Variants in PTPRN2 observed in about 807,000 individuals in gnomAD.
PTPRN2 encodes the protein receptor-type tyrosine-protein phosphatase N2.
PTPRN2 carries 74 observed loss-of-function variants against 118.8 expected under a neutral mutation model. The ratio of observed to expected loss-of-function variants is 0.62; its 90% confidence interval spans 0.52 to 0.76. The LOEUF is 0.76. Ranked by LOEUF, PTPRN2 falls within the 30% of genes least tolerant of loss-of-function variation. The pLI is 0.00. For missense variants in PTPRN2, 1,481 were observed against 1,394.4 expected, an observed-to-expected ratio of 1.06 and a Z score of -0.99; for synonymous variants, 641 against 608.0, an observed-to-expected ratio of 1.05 and a Z score of -0.80.
intron 1 of PTPRN2, among the ~76,000 whole-genome samples, chr7:158,538,065 C>T (rs73510530): frequency 0.014 from 2,126 of 152,328 alleles, 52 homozygotes; most frequent in African/African-American, 0.043. Context: ...TTTCCAAGCA[C>T]GGAAGGAGTA....
intron 3 of PTPRN2, among the ~76,000 whole-genome samples, chr7:158,304,336 T>A (rs1387620468): frequency 7.7e-6 from 1 of 129,782 alleles, no homozygotes; most frequent in South Asian, 2.6e-4. Context: ...CCCGTCAATA[T>A]GCTAAGATGT....
chr7:158,490,025 C>T (rs911932631), intron 1 of PTPRN2, among the ~76,000 whole-genome samples: 1 of 152,222 alleles, frequency 6.6e-6, no homozygotes, highest in African/African-American at 2.4e-5. Flanking sequence ...GGACCAGGCC[C>T]ACAGCTCTGG....
chr7:158,054,044 C>CAGAGATGCAGAGATCCT (rs1809584829), intron 11 of PTPRN2, among the ~76,000 whole-genome samples: 1 of 146,170 alleles, frequency 6.8e-6, no homozygotes. Context: ...GCAGAGACCC[C>CAGAGATGCAGAGATCCT]AGAGATGCAG....
At chr7:158,573,808 G>A (rs1177748453) in intron 1 of PTPRN2, among the ~76,000 whole-genome samples, 3 of 152,120 alleles carry the variant, frequency 2.0e-5, no homozygotes, top group Admixed American at 6.6e-5. Context: ...GGAGCCCCAC[G>A]AGACCCCACA....
Position 157,848,985 on chromosome 7 carries a change from A to G in PTPRN2, c.1788+49688T>C, listed in dbSNP as rs144004831. Among the ~76,000 whole-genome samples the G allele has an allele frequency of 1.0e-2, 1,521 of 152,268 alleles. 18 individuals carry two copies. The highest frequency in any genetic ancestry group is 0.017 in the Non-Finnish European group (1,131 of 68,012). On this transcript the variant is annotated intron_variant, in intron 12 of 22. Transcript: ENST00000389418. ...AGGCTCTCACTGCCCCAGTGAGAGG[A>G]CTGGCTCTGGTCCTGATCCACAAGC...
chr7:157,895,102 G>A (rs545563158), intron 12 of PTPRN2, among the ~76,000 whole-genome samples: 6 of 152,286 alleles, frequency 3.9e-5, no homozygotes, highest in Admixed American at 3.3e-4. Flanking sequence ...TGTAGAAAGC[G>A]AAGACTAGGA....
intron 12 of PTPRN2, among the ~76,000 whole-genome samples, chr7:157,713,014 G>T (rs762473931): frequency 6.6e-6 from 1 of 152,164 alleles, no homozygotes; most frequent in African/African-American, 2.4e-5. Flanking sequence ...GGGCGGCCTC[G>T]GGCAGCTCAC....
intron 1 of PTPRN2, among the ~76,000 whole-genome samples, chr7:158,540,704 A>G (rs1825937811): frequency 6.6e-6 from 1 of 152,226 alleles, no homozygotes; most frequent in Non-Finnish European, 1.5e-5. Context: ...GTGTGTCTGC[A>G]TGGAGGAAGC....
intron 12 of PTPRN2, among the ~76,000 whole-genome samples, chr7:157,847,773 C>T (rs1393721428): frequency 1.3e-4 from 15 of 114,612 alleles, no homozygotes; most frequent in South Asian, 3.3e-4. Context: ...TGCCCGATGT[C>T]TACAGAGCCC....
intron 13 of PTPRN2, among the ~76,000 whole-genome samples, chr7:157,668,760 T>C (rs1330321171): frequency 2.0e-5 from 3 of 152,154 alleles, no homozygotes; most frequent in Admixed American, 6.5e-5. Context: ...ACACTGAGGC[T>C]GCAGGGCACG....
In PTPRN2 at chr7:158,134,203, T is replaced by C. The variant is rs550623038; in HGVS notation, c.1174-144A>G. On this transcript the variant is annotated intron_variant, in intron 8 of 22. Transcript: ENST00000389418. Reference sequence around the variant, plus strand: ...GAGTGTGGGAGGAAGGCGAAGTGTGTGCAGTCTATATTTAGAATGATGTCT... The same window carrying C: ...GAGTGTGGGAGGAAGGCGAAGTGTGCGCAGTCTATATTTAGAATGATGTCT... 8.0e-5 allele frequency: 73 copies of C among 911,642 alleles called. 1 individual carries two copies. The South Asian group carries it at 1.1e-3, about 14-fold the overall frequency. The allele number at this position is 911,642 out of a possible 1,614,324, so 56.5% of individuals were successfully genotyped here. A position where few individuals can be genotyped will look rare whatever the true frequency, so the allele number is the denominator to read the frequency against.
Position 157,590,376 on chromosome 7 carries a change from G to A in PTPRN2, c.2496+4862C>T, listed in dbSNP as rs1465369388. Reference sequence around the variant, plus strand: ...CCCTCTGAGCTGGAGTAAGGACCAGGAATTCAGCCGAATGATTTGGAGAGC... The same window carrying A: ...CCCTCTGAGCTGGAGTAAGGACCAGAAATTCAGCCGAATGATTTGGAGAGC... On this transcript the variant is annotated intron_variant, in intron 17 of 22. Transcript: ENST00000389418. The surrounding 1 kb of genome is among the most constrained non-coding windows in gnomAD (Gnocchi z 4.0). 1.3e-5 allele frequency among the ~76,000 whole-genome samples: 2 copies of A among 152,204 alleles called. No homozygotes were observed. The highest frequency in any genetic ancestry group is 2.9e-5 in the Non-Finnish European group (2 of 68,044).
intron 2 of PTPRN2, among the ~76,000 whole-genome samples, chr7:158,479,042 A>C (rs1174497352): frequency 6.6e-6 from 1 of 152,062 alleles, no homozygotes; most frequent in Non-Finnish European, 1.5e-5. Context: ...ATGCCACAGG[A>C]CAGGACCCAC....
intron 6 of PTPRN2, among the ~76,000 whole-genome samples, chr7:158,149,009 A>G (rs1820552850): frequency 7.8e-6 from 1 of 128,986 alleles, no homozygotes; most frequent in East Asian, 2.3e-4. Context: ...CCCCTCAATG[A>G]CATCCCATCT....
chr7:158,293,793 G>A (rs1800278419), intron 3 of PTPRN2, among the ~76,000 whole-genome samples: 1 of 149,796 alleles, frequency 6.7e-6, no homozygotes, highest in Admixed American at 6.6e-5. Context: ...ACACACCCTA[G>A]CCTAGGCCTA....
intron 6 of PTPRN2, among the ~76,000 whole-genome samples, chr7:158,139,747 G>GCCGCCAGACA (rs1180632154): frequency 7.2e-5 from 11 of 152,136 alleles, no homozygotes; most frequent in Non-Finnish European, 1.6e-4. Flanking sequence ...GAGCGCAGAG[G>GCCGCCAGACA]CCGCCAGACA....
At chr7:157,759,358 G>T (rs1387810847) in intron 12 of PTPRN2, among the ~76,000 whole-genome samples, 1 of 152,230 alleles carries the variant, frequency 6.6e-6, no homozygotes, top group Non-Finnish European at 1.5e-5. Context: ...TGAGGAGCTG[G>T]GAGGCCCTGC....
rs1187650016 is a variant in PTPRN2 at position 158,178,600 on chromosome 7, T to C, written c.550-11309A>G. 7.8e-5 allele frequency among the ~76,000 whole-genome samples: 11 copies of C among 140,444 alleles called. No homozygotes were observed. In the East Asian group the frequency reaches 8.2e-4, roughly 10 times the overall value. The allele number at this position is 140,444 out of a possible 152,430, so 92.1% of individuals were successfully genotyped here. On this transcript the variant is annotated intron_variant, in intron 5 of 22. Coordinates refer to ENST00000389418, the MANE Select transcript of PTPRN2 (RefSeq NM_002847.5). Reference sequence around the variant, plus strand: ...ACTACATTTTCTTTCTTTTTTTTTTTTTTTTTTTTTTTTTTTAAGATGGAG... The same window carrying C: ...ACTACATTTTCTTTCTTTTTTTTTTCTTTTTTTTTTTTTTTTAAGATGGAG...
intron 2 of PTPRN2, among the ~76,000 whole-genome samples, chr7:158,405,056 C>G (rs1388067319): frequency 6.6e-6 from 1 of 150,926 alleles, no homozygotes; most frequent in Non-Finnish European, 1.5e-5. Flanking sequence ...CCCCGGCCCC[C>G]AGCTCCCTGG....
Sources: allele counts gnomAD v4.1 joint callset (sites outside exome capture counted in the v4.1 genomes callset), GRCh38; gene constraint gnomAD v4.1.1; non-coding constraint Gnocchi (gnomAD v3.1); transcripts MANE v1.5; gene names NCBI Gene and HGNC (gene_info 2026-07-23, HGNC 2026-07-21).